Variants in FLRT2 observed in about 807,000 individuals in gnomAD.
FLRT2 encodes fibronectin leucine rich transmembrane protein 2.
A neutral mutation model predicts 40.0 loss-of-function variants in FLRT2; 15 were observed. That is an observed-to-expected ratio of 0.38 (90% CI 0.25 to 0.58). The LOEUF is 0.58. FLRT2 is among the 20% of genes least tolerant of loss of function. FLRT2 has a pLI of 0.71. For missense variants in FLRT2, 726 were observed against 840.0 expected (o/e 0.86, Z 1.68); for synonymous variants, 380 against 336.8 (o/e 1.13, Z -1.41).
At chr14:85,594,420 ATG>A (rs1892040615) in intron 1 of FLRT2, among the ~76,000 whole-genome samples, 1 of 152,112 alleles carries the variant, frequency 6.6e-6, no homozygotes, top group Middle Eastern at 3.4e-3. Flanking sequence ...ACTCCCAGAG[ATG>A]TGTGTGTGCC....
rs143299955 is a variant in FLRT2, at chr14:85,645,237, C to CATATATGTATACATGTGT, written c.*21770_*21787dup. 515 of 148,654 alleles carry CATATATGTATACATGTGT rather than the reference C, an allele frequency of 3.5e-3. 4 individuals carry two copies. The highest frequency in any genetic ancestry group is 0.012 in the African/African-American group (485 of 39,498). The allele number at this position is 148,654 out of a possible 1,614,324, so 9.2% of individuals were successfully genotyped here. On this transcript the variant is annotated 3_prime_UTR_variant, in exon 2 of 2. Transcript: ENST00000330753. The stretch of plus-strand genomic sequence containing the variant: ...GTACACATGTGTATATATGTATATA[C>CATATATGTATACATGTGT]ATATATGTATACATGTGTATATATG...
At chr14:85,572,054 C>A (rs758739691) in intron 1 of FLRT2, among the ~76,000 whole-genome samples, 1 of 152,202 alleles carries the variant, frequency 6.6e-6, no homozygotes, top group Admixed American at 6.5e-5. Flanking sequence ...CCAGCCTAGA[C>A]AGCTATGGCC....
chr14:85,613,182 AT>A (rs1176281593), intron 1 of FLRT2, among the ~76,000 whole-genome samples: 2 of 152,078 alleles, frequency 1.3e-5, no homozygotes, highest in South Asian at 4.1e-4. Flanking sequence ...AAAAATTCAT[AT>A]TTTTTGTGAT....
At chr14:85,601,438 G>A (rs559742303) in intron 1 of FLRT2, among the ~76,000 whole-genome samples, 1 of 152,282 alleles carries the variant, frequency 6.6e-6, no homozygotes, top group South Asian at 2.1e-4. Context: ...CAGTTCCCTG[G>A]GGAGGCCACA....
chr14:85,544,302 T>C (rs529052780), intron 1 of FLRT2, among the ~76,000 whole-genome samples: 2 of 152,332 alleles, frequency 1.3e-5, no homozygotes, highest in African/African-American at 2.4e-5. Context: ...AATAATAATT[T>C]CGCTTGATGA....
intron 1 of FLRT2, among the ~76,000 whole-genome samples, chr14:85,613,463 G>T (rs1328878279): frequency 6.6e-6 from 1 of 152,060 alleles, no homozygotes; most frequent in Non-Finnish European, 1.5e-5. Flanking sequence ...TTCATCCATC[G>T]CTCTATCTAT....
intron 1 of FLRT2, among the ~76,000 whole-genome samples, chr14:85,531,586 G>A (rs1888281459): frequency 6.6e-6 from 1 of 152,156 alleles, no homozygotes; most frequent in Non-Finnish European, 1.5e-5. Context: ...CCTAGAGCGT[G>A]TGGTGCTCCT....
intron 1 of FLRT2, among the ~76,000 whole-genome samples, chr14:85,588,923 C>T (rs1255456598): frequency 6.6e-6 from 1 of 152,138 alleles, no homozygotes; most frequent in African/African-American, 2.4e-5. Flanking sequence ...ATCTCCAGTT[C>T]CATTCATGTT....
chr14:85,578,752 T>A (rs1891247515), intron 1 of FLRT2, among the ~76,000 whole-genome samples: 1 of 152,178 alleles, frequency 6.6e-6, no homozygotes, highest in Non-Finnish European at 1.5e-5. Context: ...GGAGTATTGC[T>A]TCAAATTGAA....
At position 85,622,562 on chromosome 14, in the gene FLRT2, G is replaced by T. The variant is rs138508218; in HGVS notation, c.1048G>T (p.Val350Phe). Residue 350 changes from valine to phenylalanine, a missense_variant, in exon 2 of 2, where the codon GTC becomes TTC. Around this residue, in one of 3 missense-constraint regions of FLRT2, gnomAD observed 611 missense variants for 690.0 expected, o/e 0.89. Coordinates refer to ENST00000330753, the MANE Select transcript of FLRT2 (RefSeq NM_013231.6). ...QGPEQVRGMA[V>F]RELNMNLLSC... The stretch of plus-strand genomic sequence containing the variant: ...TCCTGAACAAGTCCGGGGGATGGCC[G>T]TCAGGGAATTAAATATGAATCTTTT... 3 of 1,613,688 alleles carry T rather than the reference G, an allele frequency of 1.9e-6. No individual in the cohort carries two copies. The highest frequency in any genetic ancestry group is 4.5e-5 in the East Asian group (2 of 44,850).
At chr14:85,618,567 G>A (rs1009525607) in intron 1 of FLRT2, among the ~76,000 whole-genome samples, 59 of 152,096 alleles carry the variant, frequency 3.9e-4, no homozygotes, top group African/African-American at 9.6e-4. Context: ...GCCAAGTGTC[G>A]TACATAGTCA....
At chr14:85,614,156 T>C (rs1453245238) in intron 1 of FLRT2, among the ~76,000 whole-genome samples, 1 of 152,150 alleles carries the variant, frequency 6.6e-6, no homozygotes, top group Admixed American at 6.5e-5. Flanking sequence ...AACTGGGACA[T>C]AGAGAAGTGA....
chr14:85,610,112 C>G (rs1892794774), intron 1 of FLRT2, among the ~76,000 whole-genome samples: 1 of 152,052 alleles, frequency 6.6e-6, no homozygotes, highest in African/African-American at 2.4e-5. Flanking sequence ...CTGTCTTTAC[C>G]CAGCATGGGT....
At chr14:85,583,837 T>C (rs1411134957) in intron 1 of FLRT2, among the ~76,000 whole-genome samples, 2 of 151,946 alleles carry the variant, frequency 1.3e-5, no homozygotes, top group Non-Finnish European at 2.9e-5. Flanking sequence ...GTTTTAAGAA[T>C]AGGTGGTGGC....
intron 1 of FLRT2, among the ~76,000 whole-genome samples, chr14:85,546,962 G>A (rs536065637): frequency 5.3e-5 from 8 of 152,118 alleles, no homozygotes; most frequent in African/African-American, 7.2e-5. Flanking sequence ...TCATCGTCAC[G>A]TGTTCTGTCA....
chr14:85,619,719 T>C (rs1344006844), intron 1 of FLRT2, among the ~76,000 whole-genome samples: 3 of 152,224 alleles, frequency 2.0e-5, no homozygotes, highest in Non-Finnish European at 4.4e-5. Context: ...ATTAAGAGAC[T>C]TGCAGTTCGC....
intron 1 of FLRT2, among the ~76,000 whole-genome samples, chr14:85,590,600 T>C (rs534541516): frequency 6.6e-6 from 1 of 152,254 alleles, no homozygotes; most frequent in Non-Finnish European, 1.5e-5. Flanking sequence ...TTTATTTTTA[T>C]TTTTATTTCA....
rs900479925 is a variant in FLRT2, at chr14:85,627,091, T to C, written c.*3594T>C. 4 of 167,148 alleles carry C rather than the reference T, an allele frequency of 2.4e-5. No individual in the cohort carries two copies. The highest frequency in any genetic ancestry group is 3.4e-3 in the Middle Eastern group (1 of 296). The allele number at this position is 167,148 out of a possible 1,614,324, so 10.4% of individuals were successfully genotyped here. On this transcript the variant is annotated 3_prime_UTR_variant, in exon 2 of 2. Coordinates refer to ENST00000330753, the MANE Select transcript of FLRT2 (RefSeq NM_013231.6). ...TGAAAAGTGAAGGGGTTAATTCCCA[T>C]TGGTGTCTTTGCTTATAGCATTTTT...
rs186801957 is a variant in FLRT2 at position 85,619,511 on chromosome 14, G to A, written c.-376-1628G>A. On this transcript the variant is annotated intron_variant, in intron 1 of 1. Transcript: ENST00000330753. ...ATGAGTTTTACCTTTTCTGGTCATC[G>A]AAGGCATTTTTTGAGATGGCTTAAC... 3.0e-3 allele frequency among the ~76,000 whole-genome samples: 455 copies of A among 152,160 alleles called. 1 individual carries two copies. Among genetic ancestry groups the A allele is most frequent in the Non-Finnish European group, 4.6e-3 (315 of 68,004 alleles).
Sources: allele counts gnomAD v4.1 joint callset (sites outside exome capture counted in the v4.1 genomes callset), GRCh38; gene constraint gnomAD v4.1.1; regional missense constraint gnomAD v4.1.1; transcripts MANE v1.5; gene names NCBI Gene and HGNC (gene_info 2026-07-23, HGNC 2026-07-21).